The following EEFSEC variants were observed in gnomAD, a reference collection of about 807,000 sequenced individuals.
EEFSEC encodes eukaryotic elongation factor, selenocysteine-tRNA specific, also known as selenocysteine-specific elongation factor.
EEFSEC carries 43 observed loss-of-function variants against 42.1 expected under a neutral mutation model. That is an observed-to-expected ratio of 1.02 (90% confidence interval 0.80 to 1.32). The LOEUF is 1.32. Ranked by LOEUF, EEFSEC falls within the 40% of genes most tolerant of loss-of-function variation. EEFSEC has a pLI of 0.00. For synonymous variants in EEFSEC, 354 were observed against 339.1 expected (o/e 1.04, Z -0.48); for missense variants, 745 against 803.6 (o/e 0.93, Z 0.88).
At chr3:128,285,391 A>G (rs1342674262) in intron 4 of EEFSEC, among the ~76,000 whole-genome samples, 1 of 152,096 alleles carries the variant, frequency 6.6e-6, no homozygotes, top group Non-Finnish European at 1.5e-5. Context: ...GGGGCTGGAG[A>G]AATCAGCTTG....
intron 6 of EEFSEC, among the ~76,000 whole-genome samples, chr3:128,358,743 G>A (rs1219784896): frequency 2.0e-5 from 3 of 152,194 alleles, no homozygotes; most frequent in Admixed American, 1.3e-4. Context: ...TGGGGGCCTG[G>A]CATACTGTCC....
intron 4 of EEFSEC, among the ~76,000 whole-genome samples, chr3:128,283,407 T>G (rs2066550147): frequency 6.6e-6 from 1 of 152,232 alleles, no homozygotes; most frequent in Non-Finnish European, 1.5e-5. Context: ...AGGGTACTTG[T>G]GCTCCAAGTA....
intron 1 of EEFSEC, among the ~76,000 whole-genome samples, chr3:128,236,692 A>C (rs547799349): frequency 6.6e-6 from 1 of 152,276 alleles, no homozygotes; most frequent in Non-Finnish European, 1.5e-5. Flanking sequence ...CCTCAAACGC[A>C]TGTGGAGGCT....
chr3:128,295,365 T>G (rs540036115), intron 4 of EEFSEC, among the ~76,000 whole-genome samples: 2 of 151,328 alleles, frequency 1.3e-5, no homozygotes, highest in South Asian at 4.2e-4. Flanking sequence ...CAGTCTGTTT[T>G]TGGTCAAGGA....
At chr3:128,336,336 G>T (rs1468868863) in intron 4 of EEFSEC, among the ~76,000 whole-genome samples, 1 of 152,082 alleles carries the variant, frequency 6.6e-6, no homozygotes, top group East Asian at 1.9e-4. Context: ...TAATTTCCAT[G>T]TTTCCTTTCT....
At chr3:128,162,636 C>T (rs2065201956) in intron 1 of EEFSEC, among the ~76,000 whole-genome samples, 1 of 152,176 alleles carries the variant, frequency 6.6e-6, no homozygotes, top group Non-Finnish European at 1.5e-5. Context: ...AATATTTGAG[C>T]AGGAACCAAC....
chr3:128,245,474 C>A (rs2066117658), intron 1 of EEFSEC, among the ~76,000 whole-genome samples: 1 of 152,122 alleles, frequency 6.6e-6, no homozygotes, highest in Non-Finnish European at 1.5e-5. Flanking sequence ...AGCCCTGTGG[C>A]CCCAGCTGGC....
chr3:128,360,736 G>T (rs1482049420), intron 6 of EEFSEC, among the ~76,000 whole-genome samples: 2 of 152,094 alleles, frequency 1.3e-5, no homozygotes, highest in Middle Eastern at 3.4e-3. Context: ...TGGGGTGGGA[G>T]TGGAGGGAGG....
intron 4 of EEFSEC, among the ~76,000 whole-genome samples, chr3:128,303,453 C>T (rs2066792824): frequency 6.6e-6 from 1 of 152,174 alleles, no homozygotes; most frequent in African/African-American, 2.4e-5. Flanking sequence ...CTTGCTACTC[C>T]ATTTGCATTT....
At chr3:128,169,816 T>C (rs1382890974) in intron 1 of EEFSEC, among the ~76,000 whole-genome samples, 1 of 152,154 alleles carries the variant, frequency 6.6e-6, no homozygotes, top group East Asian at 1.9e-4. Flanking sequence ...GTAAATAAAA[T>C]TCCCCTGACA....
In EEFSEC at chr3:128,293,660, C is replaced by CAAAAAAAAAAAAAAAAAAAAA. The variant is rs759485696; in HGVS notation, c.786+28886_786+28906dup. 1.4e-3 allele frequency among the ~76,000 whole-genome samples: 20 copies of CAAAAAAAAAAAAAAAAAAAAA among 14,130 alleles called. 1 individual carries two copies. The highest frequency in any genetic ancestry group is 2.0e-3 in the African/African-American group (14 of 6,980). The allele number at this position is 14,130 out of a possible 152,430, so 9.3% of individuals were successfully genotyped here. ...TGGGCGACAAAGCAAGACTCTATCTCAAAAAAAAAAAAAAAAAAAAAAAAA... is the reference window on the plus strand; with the variant it reads ...TGGGCGACAAAGCAAGACTCTATCTCAAAAAAAAAAAAAAAAAAAAAAAAAAAAAAAAAAAAAAAAAAAAAA... On this transcript the variant is annotated intron_variant, in intron 4 of 6. Coordinates refer to ENST00000254730, the MANE Select transcript of EEFSEC (RefSeq NM_021937.5).
chr3:128,247,950 C>T (rs113536294), intron 2 of EEFSEC, among the ~76,000 whole-genome samples: 1 of 152,094 alleles, frequency 6.6e-6, no homozygotes, highest in Non-Finnish European at 1.5e-5. Context: ...AAGCAATTCG[C>T]CTGGATCACA....
Position 128,293,660 on chromosome 3 carries a change from CAAA to C in EEFSEC, c.786+28904_786+28906del, listed in dbSNP as rs759485696. On this transcript the variant is annotated intron_variant, in intron 4 of 6. Transcript: ENST00000254730. ...TGGGCGACAAAGCAAGACTCTATCT[CAAA>C]AAAAAAAAAAAAAAAAAAAAAAAAC... Among the ~76,000 whole-genome samples the C allele has an allele frequency of 1.4e-4, 2 of 14,142 alleles. 1 individual carries two copies. The highest frequency in any genetic ancestry group is 4.1e-4 in the Non-Finnish European group (2 of 4,894). The allele number at this position is 14,142 out of a possible 152,430, so 9.3% of individuals were successfully genotyped here. A position where few individuals can be genotyped will look rare whatever the true frequency, so the allele number is the denominator to read the frequency against.
downstream of EEFSEC, among the ~76,000 whole-genome samples, chr3:128,410,686 G>T (rs1400063240): frequency 6.6e-6 from 1 of 152,124 alleles, no homozygotes; most frequent in Admixed American, 6.5e-5. Flanking sequence ...TGGGAGACTT[G>T]CCAGGCACAC....
chr3:128,203,790 A>G (rs2065666198), intron 1 of EEFSEC, among the ~76,000 whole-genome samples: 1 of 152,224 alleles, frequency 6.6e-6, no homozygotes, highest in Non-Finnish European at 1.5e-5. Flanking sequence ...CACCTATCTT[A>G]TTGATTTAAT....
At chr3:128,176,402 A>G (rs1284550615) in intron 1 of EEFSEC, among the ~76,000 whole-genome samples, 5 of 152,034 alleles carry the variant, frequency 3.3e-5, no homozygotes, top group Non-Finnish European at 5.9e-5. Context: ...CACGAAGGGA[A>G]AAGACCCAAC....
At chr3:128,256,235 G>C (rs1426202663) in intron 2 of EEFSEC, among the ~76,000 whole-genome samples, 1 of 152,090 alleles carries the variant, frequency 6.6e-6, no homozygotes, top group Non-Finnish European at 1.5e-5. Flanking sequence ...CCTTCAGCAG[G>C]TAATAGTATC....
chr3:128,204,927 T>TA (rs2065677519), intron 1 of EEFSEC, among the ~76,000 whole-genome samples: 2 of 152,312 alleles, frequency 1.3e-5, no homozygotes, highest in African/African-American at 4.8e-5. Flanking sequence ...GCCCAATTGT[T>TA]ACACTTCCCC....
intron 1 of EEFSEC, among the ~76,000 whole-genome samples, chr3:128,221,553 T>C (rs1243671965): frequency 1.3e-5 from 2 of 152,188 alleles, no homozygotes; most frequent in East Asian, 1.9e-4. Context: ...GAAATTAACA[T>C]AGAAACTGGT....
Sources: gnomAD v4.1 joint callset for allele counts (sites outside exome capture counted in the v4.1 genomes callset) on GRCh38, gnomAD v4.1.1 for gene constraint, MANE v1.5 for transcripts, NCBI Gene and HGNC (gene_info 2026-07-23, HGNC 2026-07-21) for gene names.